The following TASOR2 variants were observed in gnomAD, a reference collection of about 807,000 sequenced individuals.
TASOR2 encodes the protein transcription activation suppressor family member 2.
In TASOR2, 84 loss-of-function variants were observed where a neutral mutation model predicts 199.5. That is an observed-to-expected ratio of 0.42 (90% CI 0.35 to 0.50). The LOEUF is 0.50. Ranked by LOEUF, TASOR2 falls within the 20% of genes least tolerant of loss-of-function variation. The pLI is 0.02. For synonymous variants in TASOR2, 1,103 were observed against 1,046.6 expected, an observed-to-expected ratio of 1.05 and a Z score of -1.04; for missense variants, 2,796 against 2,835.9, an observed-to-expected ratio of 0.99 and a Z score of 0.32.
intron 10 of TASOR2, among the ~76,000 whole-genome samples, chr10:5,727,771 G>C (rs1292330889): frequency 6.6e-6 from 1 of 151,986 alleles, no homozygotes; most frequent in African/African-American, 2.4e-5. Flanking sequence ...AACACTCTTT[G>C]CTCACCTTAG....
At position 5,687,805 on chromosome 10, in the gene TASOR2, G is replaced by A. The variant is rs756212791; in HGVS notation, c.-288+2630G>A. Among the ~76,000 whole-genome samples, 3 of 152,210 alleles carry A rather than the reference G, an allele frequency of 2.0e-5. No homozygotes were observed. Among genetic ancestry groups the A allele is most frequent in the African/African-American group, 4.8e-5 (2 of 41,444 alleles). On this transcript the variant is annotated intron_variant, in intron 1 of 20. Coordinates refer to ENST00000328090, the Ensembl canonical transcript of TASOR2. The surrounding 1 kb of genome is among the most constrained non-coding windows in gnomAD (Gnocchi z 4.8). ...TCTACGGCAGCCTGGGTGACAGAGT[G>A]AGACTCCGTCTCAAAAGACTGCTGA... is the stretch of plus-strand genomic sequence containing the variant.
chr10:5,693,769 T>C (rs1836787678), intron 1 of TASOR2, among the ~76,000 whole-genome samples: 1 of 152,202 alleles, frequency 6.6e-6, no homozygotes, highest in Non-Finnish European at 1.5e-5. Flanking sequence ...TATAAAGCTG[T>C]AAAAAGTAAA....
At chr10:5,712,501 C>G in intron 1 of TASOR2, 1 of 1,231,686 alleles carries the variant, frequency 8.1e-7, no homozygotes, top group Non-Finnish European at 1.0e-6. Context: ...TCAGTACAGT[C>G]AAGTGACTTT....
chr10:5,708,150 GA>G (rs1340945867), intron 1 of TASOR2, among the ~76,000 whole-genome samples: 2 of 152,122 alleles, frequency 1.3e-5, no homozygotes, highest in East Asian at 3.8e-4. Context: ...GATAAAAACT[GA>G]AAACTTGACC....
In TASOR2 at chr10:5,757,779, T is replaced by C; in HGVS notation, c.6886+106T>C. 15 of 1,249,302 alleles carry C rather than the reference T, an allele frequency of 1.2e-5. No homozygotes were observed. The South Asian group carries it at 1.9e-4, about 15-fold the overall frequency. The allele number at this position is 1,249,302 out of a possible 1,614,324, so 77.4% of individuals were successfully genotyped here. ...AAGAAATGATCAACTCTAAGGAATA[T>C]CAGTTGCCCCCTACTGAGGCATAAT... is the stretch of plus-strand genomic sequence containing the variant. On this transcript the variant is annotated intron_variant, in intron 17 of 20. Coordinates refer to ENST00000328090, the Ensembl canonical transcript of TASOR2.
At chr10:5,704,548 A>AT (rs1188969121) in intron 1 of TASOR2, among the ~76,000 whole-genome samples, 1 of 152,064 alleles carries the variant, frequency 6.6e-6, no homozygotes, top group Non-Finnish European at 1.5e-5. Flanking sequence ...ATATATCAAT[A>AT]TTTTTTGTCA....
At chr10:5,762,253 TAAA>T (rs33954327) in intron 19 of TASOR2, among the ~76,000 whole-genome samples, 312 of 139,926 alleles carry the variant, frequency 2.2e-3, no homozygotes, top group Non-Finnish European at 2.7e-3. Flanking sequence ...TATCTATCTT[TAAA>T]AAAAAAAAAA....
chr10:5,746,209 T>A, exon 15 of TASOR2: 5 of 1,584,398 alleles, frequency 3.2e-6, no homozygotes, highest in South Asian at 2.3e-5. Flanking sequence ...ACAAGAATCA[T>A]TGGAGACTTC....
At position 5,761,384 on chromosome 10, in the gene TASOR2, C is replaced by T. The variant is rs766722250; in HGVS notation, c.7087C>T (p.Arg2363Ter). The change falls in exon 19 of 21, where the codon CGA becomes TGA. Residue 2363 changes from arginine to a stop codon, truncating the protein, a stop_gained. Coordinates refer to ENST00000328090, the Ensembl canonical transcript of TASOR2. LOFTEE classifies it high-confidence loss of function. The stretch of plus-strand genomic sequence containing the variant: ...GCTTCATTATCACCAGTGTGACTCT[C>T]GATCATCAACAAAAGCAGAAATTCT... 5.6e-6 allele frequency: 9 copies of T among 1,613,934 alleles called. No homozygotes were observed. Among genetic ancestry groups the T allele is most frequent in the Non-Finnish European group, 7.6e-6 (9 of 1,179,978 alleles).
At chr10:5,747,660 G>A (rs368254772) in exon 15 of TASOR2, 1 of 1,614,030 alleles carries the variant, frequency 6.2e-7, no homozygotes, top group African/African-American at 1.3e-5. Flanking sequence ...CAGTTAAAGA[G>A]ACACGACCAT....
chr10:5,724,314 G>T, intron 7 of TASOR2, 116 bp from the exon 9 acceptor site: 1 of 433,462 alleles, frequency 2.3e-6, no homozygotes. Context: ...AATGATAAAG[G>T]TTTCTGAGTA....
intron 1 of TASOR2, among the ~76,000 whole-genome samples, chr10:5,686,275 T>A (rs1423224058): frequency 2.0e-5 from 3 of 152,220 alleles, no homozygotes; most frequent in Admixed American, 6.5e-5. Flanking sequence ...AAAGGGAGAT[T>A]ATAAGCATCT....
At chr10:5,717,927 G>A (rs1478234648) in intron 3 of TASOR2, among the ~76,000 whole-genome samples, 177 bp downstream of exon 4, 2 of 152,136 alleles carry the variant, frequency 1.3e-5, no homozygotes, top group South Asian at 2.1e-4. Flanking sequence ...TCATTTACTA[G>A]ATTGTAAACT....
chr10:5,756,575 ACC>A (rs1838975159), intron 15 of TASOR2, 36 bp from the exon 17 acceptor site: 2 of 1,606,332 alleles, frequency 1.2e-6, no homozygotes, highest in African/African-American at 2.7e-5. Flanking sequence ...CTGTGGAAGT[ACC>A]CTTTTTTTAA....
intron 1 of TASOR2, among the ~76,000 whole-genome samples, chr10:5,704,097 G>A (rs978358673): frequency 9.9e-5 from 15 of 151,828 alleles, no homozygotes; most frequent in Non-Finnish European, 1.6e-4. Flanking sequence ...GGTAGTGGGC[G>A]CCTGTCATCC....
rs1833226186 is a variant in TASOR2, at chr10:5,720,578, T to C, written c.-65T>C. On this transcript the variant is annotated 5_prime_UTR_variant, in exon 4 of 21. Transcript: ENST00000328090. The surrounding 1 kb of genome is among the most constrained non-coding windows in gnomAD (Gnocchi z 5.3). ...TACGAACTTTCAGGCAACACCGTTATTGAACGACCCAGACAGATCTGTCCT... is the reference window on the plus strand; with the variant it reads ...TACGAACTTTCAGGCAACACCGTTACTGAACGACCCAGACAGATCTGTCCT... The C allele has an allele frequency of 3.1e-6, 5 of 1,607,776 alleles. No homozygotes were observed. The highest frequency in any genetic ancestry group is 1.7e-5 in the Admixed American group (1 of 58,732).
In TASOR2 at chr10:5,689,591, C is replaced by T. The variant is rs1287870797; in HGVS notation, c.-288+4416C>T. ...CTCCAGCCTGGGCGACAGAGCAAGA[C>T]TCCATCTCAAAAAAACAAAAAAACA... On this transcript the variant is annotated intron_variant, in intron 1 of 20. Transcript: ENST00000328090. This position sits in a 1 kb window ranked among gnomAD's most constrained non-coding sequence, Gnocchi z 4.1. 6.6e-6 allele frequency among the ~76,000 whole-genome samples: 1 copy of T among 152,128 alleles called. No individual in the cohort carries two copies. Among genetic ancestry groups the T allele is most frequent in the Admixed American group, 6.5e-5 (1 of 15,270 alleles).
chr10:5,716,586 A>G (rs1378942520), intron 2 of TASOR2, among the ~76,000 whole-genome samples: 2 of 152,128 alleles, frequency 1.3e-5, no homozygotes, highest in Non-Finnish European at 2.9e-5. Flanking sequence ...AGAGCATACC[A>G]TAATATACCT....
intron 11 of TASOR2, among the ~76,000 whole-genome samples, chr10:5,731,570 G>A (rs1436197760): frequency 6.6e-6 from 1 of 152,174 alleles, no homozygotes; most frequent in African/African-American, 2.4e-5. Context: ...TGCTGTCTTG[G>A]TCCCTGTGGA....
Sources: gnomAD v4.1 joint callset for allele counts (sites outside exome capture counted in the v4.1 genomes callset) on GRCh38, gnomAD v4.1.1 for gene constraint, Gnocchi (gnomAD v3.1) non-coding constraint, MANE v1.5 for transcripts, NCBI Gene and HGNC (gene_info 2026-07-23, HGNC 2026-07-21) for gene names.